The following KCNN2 variants were observed in gnomAD, a reference collection of about 807,000 sequenced individuals.
KCNN2 encodes potassium calcium-activated channel subfamily N member 2.
Under a neutral mutation model 55.5 loss-of-function variants are expected in KCNN2, and 24 were observed. The ratio of observed to expected loss-of-function variants is 0.43; its 90% CI spans 0.31 to 0.61. The LOEUF is 0.61. Among genes scored for constraint, KCNN2 ranks in the 20% least tolerant of loss-of-function variants. KCNN2 has a pLI of 0.08. For synonymous variants in KCNN2, 431 were observed against 336.1 expected, an observed-to-expected ratio of 1.28 and a Z score of -3.09; for missense variants, 754 against 853.6, an observed-to-expected ratio of 0.88 and a Z score of 1.45.
At chr5:114,281,025 C>T (rs891344898) in intron 2 of KCNN2, among the ~76,000 whole-genome samples, 2 of 152,086 alleles carry the variant, frequency 1.3e-5, no homozygotes, top group African/African-American at 4.8e-5. Flanking sequence ...CCATATAGTC[C>T]TATGCCTCCT....
chr5:114,385,038 T>C (rs1257970700), intron 2 of KCNN2, among the ~76,000 whole-genome samples: 1 of 152,234 alleles, frequency 6.6e-6, no homozygotes, highest in Non-Finnish European at 1.5e-5. Context: ...GGGATGAATG[T>C]GGTGAGTTGA....
chr5:114,494,846 C>G (rs886504883), intron 7 of KCNN2, among the ~76,000 whole-genome samples: 3 of 152,070 alleles, frequency 2.0e-5, no homozygotes, highest in African/African-American at 7.2e-5. Flanking sequence ...TGCCTATATT[C>G]TGAATAATAA....
intron 1 of KCNN2, among the ~76,000 whole-genome samples, chr5:114,184,789 T>C (rs1032296482): frequency 3.9e-5 from 6 of 152,226 alleles, no homozygotes; most frequent in Non-Finnish European, 5.9e-5. Flanking sequence ...TCGCTTACCA[T>C]GTAAACAATA....
At chr5:114,206,967 C>G (rs185774235) in intron 1 of KCNN2, among the ~76,000 whole-genome samples, 127 of 152,286 alleles carry the variant, frequency 8.3e-4, no homozygotes, top group African/African-American at 2.9e-3. Flanking sequence ...CCGTATTTCT[C>G]AGACTTAGAA....
At chr5:114,465,097 C>CAAGGGTCATGTGCACAGGCTTAT (rs1253756931) in intron 4 of KCNN2, among the ~76,000 whole-genome samples, 1 of 152,130 alleles carries the variant, frequency 6.6e-6, no homozygotes, top group African/African-American at 2.4e-5. Context: ...AGGTGTGACT[C>CAAGGGTCATGTGCACAGGCTTAT]AAGGGTCATG....
intron 1 of KCNN2, among the ~76,000 whole-genome samples, chr5:114,093,587 C>A (rs1751193624): frequency 6.6e-6 from 1 of 152,166 alleles, no homozygotes; most frequent in Non-Finnish European, 1.5e-5. Flanking sequence ...GTTTAATTAA[C>A]TGACAGTTCA....
chr5:114,076,055 G>T (rs1750679738), intron 1 of KCNN2, among the ~76,000 whole-genome samples: 1 of 152,202 alleles, frequency 6.6e-6, no homozygotes, highest in Non-Finnish European at 1.5e-5. Context: ...AGTTTGTTAG[G>T]CAGCAATAAC....
At chr5:114,227,599 G>T (rs1442745383) in intron 2 of KCNN2, among the ~76,000 whole-genome samples, 2 of 152,166 alleles carry the variant, frequency 1.3e-5, no homozygotes, top group African/African-American at 2.4e-5. Context: ...CCTTGCACTT[G>T]ACAGAATTTT....
intron 2 of KCNN2, among the ~76,000 whole-genome samples, chr5:114,316,846 T>C (rs1042004041): frequency 4.6e-5 from 7 of 152,192 alleles, no homozygotes; most frequent in African/African-American, 1.7e-4. Flanking sequence ...TCTGTGAATA[T>C]AAGTATAGTC....
At chr5:114,405,968 C>T (rs1758918654) in intron 3 of KCNN2, among the ~76,000 whole-genome samples, 1 of 151,720 alleles carries the variant, frequency 6.6e-6, no homozygotes, top group South Asian at 2.1e-4. Context: ...CCTCAGCCTC[C>T]CAAAGTGCTG....
chr5:114,289,058 C>T (rs1580696911), intron 2 of KCNN2, among the ~76,000 whole-genome samples: 1 of 152,118 alleles, frequency 6.6e-6, no homozygotes, highest in Admixed American at 6.6e-5. Flanking sequence ...TTCCCTTGAA[C>T]GTGGATATAC....
At chr5:114,313,780 C>T (rs375901808) in intron 2 of KCNN2, among the ~76,000 whole-genome samples, 6 of 152,092 alleles carry the variant, frequency 3.9e-5, no homozygotes, top group African/African-American at 1.4e-4. Context: ...CTAAGTGGTT[C>T]TCTCCTATTA....
chr5:114,237,436 A>C (rs1754525904), intron 2 of KCNN2, among the ~76,000 whole-genome samples: 1 of 152,142 alleles, frequency 6.6e-6, no homozygotes, highest in Admixed American at 6.6e-5. Flanking sequence ...AGTATCTTTC[A>C]AGCCATGTCC....
At chr5:114,155,424 A>G (rs1341673820) in intron 1 of KCNN2, among the ~76,000 whole-genome samples, 1 of 152,106 alleles carries the variant, frequency 6.6e-6, no homozygotes, top group African/African-American at 2.4e-5. Context: ...TTGCGGGTCA[A>G]ATGTTATTTC....
intron 1 of KCNN2, among the ~76,000 whole-genome samples, chr5:114,207,836 A>G (rs1227606375): frequency 6.6e-6 from 1 of 152,238 alleles, no homozygotes; most frequent in African/African-American, 2.4e-5. Flanking sequence ...GCCGAGAGAC[A>G]TGTTGGCACA....
At chr5:114,102,553 G>A (rs1015692610) in intron 1 of KCNN2, among the ~76,000 whole-genome samples, 8 of 152,206 alleles carry the variant, frequency 5.3e-5, no homozygotes, top group Admixed American at 1.3e-4. Context: ...TTTCTTCTAC[G>A]ATTTTTATGG....
chr5:114,363,139 G>A lies in KCNN2; in HGVS notation c.1000G>A (p.Gly334Ser), dbSNP rs1307425316. The A allele has an allele frequency of 6.2e-7, 1 of 1,613,360 alleles. No individual in the cohort carries two copies. Among genetic ancestry groups the A allele is most frequent in the Non-Finnish European group, 8.5e-7 (1 of 1,180,008 alleles). ...KKNQNIGYKL[G>S]HRRALFEKRK... ...AAACCAGAACATCGGCTACAAGCTG[G>A]GCCACCGGCGCGCCCTGTTCGAAAA... The change falls in exon 1 of 8, where the codon GGC (glycine) becomes AGC (serine). Residue 334 changes from glycine (G) to serine (S), a missense_variant. This residue lies in a region of KCNN2 where 123 missense variants were observed against 204.9 expected (regional missense o/e 0.60). Transcript: ENST00000673685.
intron 3 of KCNN2, among the ~76,000 whole-genome samples, chr5:114,460,466 A>T (rs1455375443): frequency 6.6e-6 from 1 of 152,022 alleles, no homozygotes; most frequent in East Asian, 1.9e-4. Context: ...CTGGTCCCGA[A>T]CTCCTGACCT....
At chr5:114,371,830 T>C (rs1761929567) in intron 2 of KCNN2, among the ~76,000 whole-genome samples, 1 of 152,156 alleles carries the variant, frequency 6.6e-6, no homozygotes, top group African/African-American at 2.4e-5. Flanking sequence ...GTCAGAAACA[T>C]ACCCAGCACT....
Sources: allele counts gnomAD v4.1 joint callset (sites outside exome capture counted in the v4.1 genomes callset), GRCh38; gene constraint gnomAD v4.1.1; regional missense constraint gnomAD v4.1.1; transcripts MANE v1.5; gene names NCBI Gene and HGNC (gene_info 2026-07-23, HGNC 2026-07-21).